Variants in GRID2 observed in about 807,000 individuals in gnomAD.
GRID2 encodes glutamate ionotropic receptor delta type subunit 2.
A neutral mutation model predicts 114.8 loss-of-function variants in GRID2; 33 were observed. The observed-to-expected ratio is 0.29, with a 90% CI of 0.22 to 0.38. The LOEUF (loss-of-function observed/expected upper bound fraction) is 0.38, where lower values mean the gene tolerates loss of function less well. Among genes scored for constraint, GRID2 ranks in the 10% least tolerant of loss-of-function variants. The pLI is 1.00. For synonymous variants in GRID2, 505 were observed against 449.9 expected, an observed-to-expected ratio of 1.12 and a Z score of -1.55; for missense variants, 1,184 against 1,257.7, an observed-to-expected ratio of 0.94 and a Z score of 0.89.
chr4:92,847,066 T>A (rs1268475571), intron 2 of GRID2, among the ~76,000 whole-genome samples: 2 of 152,090 alleles, frequency 1.3e-5, no homozygotes, highest in African/African-American at 4.8e-5. Context: ...ATCCTGACTT[T>A]TTATGTCACA....
At chr4:92,667,090 G>C (rs975209224) in intron 2 of GRID2, among the ~76,000 whole-genome samples, 1 of 151,564 alleles carries the variant, frequency 6.6e-6, no homozygotes, top group Non-Finnish European at 1.5e-5. Context: ...GGTGGCTGCT[G>C]TCGAGTTAAG....
At chr4:92,875,386 G>A (rs1745559205) in intron 2 of GRID2, among the ~76,000 whole-genome samples, 1 of 152,022 alleles carries the variant, frequency 6.6e-6, no homozygotes, top group Admixed American at 6.6e-5. Flanking sequence ...GACTGGTCTC[G>A]AAATCCTGAC....
Position 92,868,679 on chromosome 4 carries a change from A to G in GRID2, c.245-216316A>G, listed in dbSNP as rs1247653046. On this transcript the variant is annotated intron_variant, in intron 2 of 15. Transcript: ENST00000282020. ...AAATTGTGTTTGACATGTAGATGAA[A>G]GAGCAGAGGAAAACTACATTTTATG... is the stretch of plus-strand genomic sequence containing the variant. Among the ~76,000 whole-genome samples, 10 of 152,014 alleles carry G rather than the reference A, an allele frequency of 6.6e-5. No homozygotes were observed. In the East Asian group the frequency reaches 1.9e-3, roughly 29 times the overall value.
intron 2 of GRID2, among the ~76,000 whole-genome samples, chr4:92,849,862 T>C (rs980404432): frequency 7.9e-5 from 12 of 151,770 alleles, no homozygotes; most frequent in Non-Finnish European, 1.3e-4. Context: ...TTTTTAATGA[T>C]TGAAATTTCC....
intron 1 of GRID2, among the ~76,000 whole-genome samples, chr4:93,786,076 A>G (rs1337727679): frequency 1.3e-5 from 2 of 152,274 alleles, no homozygotes; most frequent in African/African-American, 2.4e-5. Context: ...AAAGAAAACT[A>G]TAACAGTGAA....
chr4:93,492,924 G>A (rs1398712491), intron 12 of GRID2, among the ~76,000 whole-genome samples: 1 of 151,586 alleles, frequency 6.6e-6, no homozygotes, highest in Non-Finnish European at 1.5e-5. Context: ...TCTAGCCCCT[G>A]GCAACCACCA....
intron 4 of GRID2, among the ~76,000 whole-genome samples, chr4:93,147,397 A>G (rs528318983): frequency 1.3e-5 from 2 of 152,338 alleles, no homozygotes; most frequent in South Asian, 4.1e-4. Context: ...TTGTATGAGA[A>G]AAATGTGTAC....
intron 1 of GRID2, among the ~76,000 whole-genome samples, chr4:92,459,199 T>C (rs1228604228): frequency 2.0e-5 from 3 of 152,174 alleles, no homozygotes; most frequent in African/African-American, 4.8e-5. Flanking sequence ...ATGAAGATCA[T>C]TGTGATGCAA....
At chr4:92,963,274 G>T (rs1180142483) in intron 2 of GRID2, among the ~76,000 whole-genome samples, 1 of 151,942 alleles carries the variant, frequency 6.6e-6, no homozygotes, top group African/African-American at 2.4e-5. Context: ...TTTCACAAAA[G>T]ATTTCTCTAT....
In GRID2 at chr4:92,792,174, C is replaced by G. The variant is rs567852034; in HGVS notation, c.244+201888C>G. Among the ~76,000 whole-genome samples the G allele has an allele frequency of 9.2e-5, 14 of 151,814 alleles. No individual in the cohort carries two copies. The South Asian group carries it at 1.4e-3, about 16-fold the overall frequency. On this transcript the variant is annotated intron_variant, in intron 2 of 15. Transcript: ENST00000282020. Reference sequence around the variant, plus strand: ...TGCATTTACTGTGCAGCTTTAAGCTCTTCCCTGAACACATTATTGTTTAAT... The same window carrying G: ...TGCATTTACTGTGCAGCTTTAAGCTGTTCCCTGAACACATTATTGTTTAAT...
chr4:92,900,218 A>G (rs1365659527), intron 2 of GRID2, among the ~76,000 whole-genome samples: 1 of 152,208 alleles, frequency 6.6e-6, no homozygotes, highest in East Asian at 1.9e-4. Context: ...CTCAGTTTAC[A>G]GCACATTGCA....
intron 8 of GRID2, among the ~76,000 whole-genome samples, chr4:93,278,658 A>G (rs1390466353): frequency 1.3e-5 from 2 of 152,010 alleles, no homozygotes; most frequent in Non-Finnish European, 2.9e-5. Flanking sequence ...TAAGCAGCTC[A>G]TAGTCCACTG....
intron 4 of GRID2, among the ~76,000 whole-genome samples, chr4:93,129,705 T>C (rs1332134055): frequency 1.3e-5 from 2 of 152,190 alleles, no homozygotes; most frequent in African/African-American, 4.8e-5. Context: ...GATGATCTTG[T>C]ATTTATTTTA....
intron 2 of GRID2, among the ~76,000 whole-genome samples, chr4:92,761,909 T>C (rs979570503): frequency 1.3e-5 from 2 of 152,116 alleles, no homozygotes; most frequent in Non-Finnish European, 1.5e-5. Context: ...CTATATAATA[T>C]GTGTTAAGTT....
chr4:92,965,480 AAAAAAAAAAC>A (rs1303595532), intron 2 of GRID2, among the ~76,000 whole-genome samples: 20 of 96,138 alleles, frequency 2.1e-4, no homozygotes, highest in African/African-American at 7.0e-4. Context: ...AAAAAAAAAA[AAAAAAAAAAC>A]ACACAACATC....
intron 2 of GRID2, among the ~76,000 whole-genome samples, chr4:92,898,249 G>A (rs1006809023): frequency 1.3e-5 from 2 of 152,002 alleles, no homozygotes; most frequent in African/African-American, 4.8e-5. Flanking sequence ...AGCAAAATGA[G>A]AACATAAACA....
At chr4:93,215,137 A>C (rs1744042258) in intron 5 of GRID2, among the ~76,000 whole-genome samples, 2 of 152,130 alleles carry the variant, frequency 1.3e-5, no homozygotes, top group Admixed American at 1.3e-4. Context: ...ATTTTTATCC[A>C]ATATGCTGAT....
intron 3 of GRID2, among the ~76,000 whole-genome samples, chr4:93,088,264 T>C (rs1342419433): frequency 3.3e-5 from 5 of 152,136 alleles, no homozygotes; most frequent in African/African-American, 9.6e-5. Context: ...TTTATTTGAA[T>C]GGATTGATTC....
intron 8 of GRID2, chr4:93,319,793 C>T (rs183646815): frequency 6.6e-6 from 1 of 152,236 alleles, no homozygotes; most frequent in African/African-American, 2.4e-5. Context: ...AAAACATGGC[C>T]TCAGTCCTAC....
Sources: allele counts gnomAD v4.1 joint callset (sites outside exome capture counted in the v4.1 genomes callset), GRCh38; gene constraint gnomAD v4.1.1; transcripts MANE v1.5; gene names NCBI Gene and HGNC (gene_info 2026-07-23, HGNC 2026-07-21).